The following CACNA2D2 variants were observed in gnomAD, a reference collection of about 807,000 sequenced individuals.
The protein encoded by CACNA2D2 is voltage-dependent calcium channel subunit alpha-2/delta-2.
Under a neutral mutation model 166.4 loss-of-function variants are expected in CACNA2D2, and 48 were observed. The ratio of observed to expected loss-of-function variants is 0.29; its 90% CI spans 0.23 to 0.37. The LOEUF is 0.37. CACNA2D2 is among the 10% of genes least tolerant of loss of function. The pLI is 1.00. For missense variants in CACNA2D2, 1,122 were observed against 1,433.0 expected (o/e 0.78, Z 3.50); for synonymous variants, 561 against 573.7 (o/e 0.98, Z 0.32).
intron 1 of CACNA2D2, among the ~76,000 whole-genome samples, chr3:50,479,975 G>A (rs562816972): frequency 1.3e-5 from 2 of 152,334 alleles, no homozygotes; most frequent in East Asian, 3.9e-4. Flanking sequence ...GAGTGGCCAG[G>A]AGGAGATGTA....
chr3:50,461,303 A>G (rs893470023), intron 2 of CACNA2D2, among the ~76,000 whole-genome samples: 1 of 152,242 alleles, frequency 6.6e-6, no homozygotes, highest in Non-Finnish European at 1.5e-5. Flanking sequence ...GCTGCCTTAG[A>G]AAATCTAAGG....
chr3:50,492,874 T>G (rs1698575115), intron 1 of CACNA2D2, among the ~76,000 whole-genome samples: 1 of 152,016 alleles, frequency 6.6e-6, no homozygotes, highest in Admixed American at 6.6e-5. Flanking sequence ...CAGGGCTGAG[T>G]GCTTGGACCC....
chr3:50,376,027 T>C lies in CACNA2D2; in HGVS notation c.1709A>G (p.Asn570Ser), dbSNP rs1449967398. ...GTCCAGAGTCACAGGCTCCCGGAAG[T>C]TGGTGGTCTGTTGGAGGCAGGGTGG... ...LHPNLKPQTT[N>S]FREPVTLDFL... is the part of the protein sequence containing the mutation. The change falls in exon 19 of 38, where the codon AAC becomes AGC. Residue 570 changes from asparagine to serine, a missense_variant. Asn to Ser is a conservative substitution (Grantham distance 46). Around this residue, in one of 2 missense-constraint regions of CACNA2D2, gnomAD observed 840 missense variants for 1,166.8 expected, o/e 0.72. Coordinates refer to ENST00000424201, the MANE Select transcript of CACNA2D2 (RefSeq NM_006030.4). The surrounding 1 kb of genome is among the most constrained non-coding windows in gnomAD (Gnocchi z 4.3). 12 of 1,613,140 alleles carry C rather than the reference T, an allele frequency of 7.4e-6. No individual in the cohort carries two copies. The highest frequency in any genetic ancestry group is 1.3e-5 in the African/African-American group (1 of 74,888).
At chr3:50,416,695 C>T (rs576968485) in intron 3 of CACNA2D2, among the ~76,000 whole-genome samples, 2 of 152,336 alleles carry the variant, frequency 1.3e-5, no homozygotes, top group South Asian at 2.1e-4. Flanking sequence ...CGGCTGGAGC[C>T]GCGGAGCCAC....
At chr3:50,450,013 A>G (rs1318007582) in intron 2 of CACNA2D2, among the ~76,000 whole-genome samples, 3 of 152,172 alleles carry the variant, frequency 2.0e-5, no homozygotes, top group Non-Finnish European at 4.4e-5. Context: ...GCCTGACTCA[A>G]AGCAAACTGC....
Position 50,366,388 on chromosome 3 carries a change from C to T in CACNA2D2, c.2638-50G>A. 2 of 1,585,284 alleles carry T rather than the reference C, an allele frequency of 1.3e-6. No homozygotes were observed. Among genetic ancestry groups the T allele is most frequent in the African/African-American group, 1.3e-5 (1 of 74,438 alleles). On this transcript the variant is annotated intron_variant, in intron 30 of 37. Transcript: ENST00000424201. The surrounding 1 kb of genome is among the most constrained non-coding windows in gnomAD (Gnocchi z 5.9). ...AAATGGAGAGGGGCTGGGCCCCGGA[C>T]CTTCCACCGCAGGCAGTCCAGTGGT...
chr3:50,432,071 G>A (rs1427412017), intron 3 of CACNA2D2, among the ~76,000 whole-genome samples: 4 of 152,094 alleles, frequency 2.6e-5, no homozygotes, highest in Non-Finnish European at 5.9e-5. Context: ...TGCAGGTGCA[G>A]TGGAAGGGAG....
chr3:50,381,129 G>A lies in CACNA2D2; in HGVS notation c.653-3C>T, dbSNP rs1264099895. The A allele has an allele frequency of 6.2e-7, 1 of 1,613,240 alleles. No individual in the cohort carries two copies. Among genetic ancestry groups the A allele is most frequent in the East Asian group, 2.2e-5 (1 of 44,862 alleles). ...GAGCTCATTGAGGATGACAGTGGCT[G>A]GGGGGAAGCGGGGAGCTGGGGTGGG... On this transcript the variant is annotated splice_region_variant and splice_polypyrimidine_tract_variant and intron_variant, in intron 6 of 37. Coordinates refer to ENST00000424201, the MANE Select transcript of CACNA2D2 (RefSeq NM_006030.4).
rs1008686558 is a variant in CACNA2D2, at chr3:50,363,170, C to T, written c.*1496G>A. The T allele has an allele frequency of 8.5e-5, 34 of 398,808 alleles. No individual in the cohort carries two copies. The highest frequency in any genetic ancestry group is 6.8e-4 in the African/African-American group (33 of 48,614). 24.7% of individuals were successfully genotyped at this position (398,808 alleles called of 1,614,324 possible). ...CTCCATTGAGCACCTGACTACACTA[C>T]AGTTACACGCACGCCCCCGAAGGAC... On this transcript the variant is annotated 3_prime_UTR_variant, in exon 38 of 38. Transcript: ENST00000424201.
At chr3:50,467,809 T>C (rs1435041706) in intron 2 of CACNA2D2, among the ~76,000 whole-genome samples, 3 of 152,094 alleles carry the variant, frequency 2.0e-5, no homozygotes, top group Admixed American at 6.5e-5. Context: ...GAGACAGATA[T>C]AAGAAAAGGT....
intron 1 of CACNA2D2, 73 bp from the exon 2 acceptor site, chr3:50,476,272 G>T: frequency 1.7e-6 from 2 of 1,143,414 alleles, no homozygotes; most frequent in Non-Finnish European, 2.5e-6. Context: ...CAGCCAACCC[G>T]GGGGCACTGG....
At chr3:50,385,792 C>T (rs1003320178) in intron 5 of CACNA2D2, among the ~76,000 whole-genome samples, 3 of 152,210 alleles carry the variant, frequency 2.0e-5, no homozygotes, top group African/African-American at 4.8e-5. Flanking sequence ...GTGAGGCGTG[C>T]GCCACTCACG....
intron 2 of CACNA2D2, among the ~76,000 whole-genome samples, chr3:50,445,597 T>C (rs1377100711): frequency 2.0e-5 from 3 of 152,122 alleles, no homozygotes; most frequent in Non-Finnish European, 2.9e-5. Context: ...CATAAATAAA[T>C]AAACAAACAG....
rs1704171518 is a variant in CACNA2D2 at position 50,365,183 on chromosome 3, G to C, written c.3100C>G (p.Leu1034Val). ...TTGGTCAGTCTCTGCGCGTGGAACA[G>C]CCTGCGGGCAGCCCGGAAAGGCGGG... ...AIIDCGNCSR[L>V]FHAQRLTNTN... The change falls in exon 36 of 38, where the codon CTG becomes GTG. Residue 1034 changes from leucine to valine, a missense_variant and splice_region_variant. Physicochemically the swap from Leu to Val is conservative, Grantham distance 32. Transcript: ENST00000424201. The surrounding 1 kb of genome is among the most constrained non-coding windows in gnomAD (Gnocchi z 4.5). 1.2e-6 allele frequency: 2 copies of C among 1,611,888 alleles called. No individual in the cohort carries two copies. The highest frequency in any genetic ancestry group is 8.5e-7 in the Non-Finnish European group (1 of 1,179,578).
At chr3:50,430,031 G>A (rs1303204656) in intron 3 of CACNA2D2, among the ~76,000 whole-genome samples, 1 of 152,230 alleles carries the variant, frequency 6.6e-6, no homozygotes, top group East Asian at 1.9e-4. Context: ...GGCATGTTAG[G>A]AGGGGTGCTG....
intron 3 of CACNA2D2, among the ~76,000 whole-genome samples, chr3:50,397,996 T>TGCCCCACCCC (rs984701461): frequency 7.0e-6 from 1 of 143,706 alleles, no homozygotes; most frequent in African/African-American, 2.5e-5. Context: ...GTGCCCACCC[T>TGCCCCACCCC]GCCCCACCCC....
In CACNA2D2 at chr3:50,366,114, T is replaced by C. The variant is rs1213211467; in HGVS notation, c.2759A>G (p.Tyr920Cys). The C allele has an allele frequency of 6.2e-7, 1 of 1,613,954 alleles. No individual in the cohort carries two copies. The stretch of plus-strand genomic sequence containing the variant: ...CTTGCGGGTGTAGAAGGAGTTATTG[T>C]AGAGTGCCAGCATCAGGTTGGCATC... ...EVDANLMLAL[Y>C]NNSFYTRKES... Residue 920 changes from tyrosine to cysteine, a missense_variant, in exon 32 of 38, where the codon TAC becomes TGC. Coordinates refer to ENST00000424201, the MANE Select transcript of CACNA2D2 (RefSeq NM_006030.4). This position sits in a 1 kb window ranked among gnomAD's most constrained non-coding sequence, Gnocchi z 5.9.
intron 23 of CACNA2D2, among the ~76,000 whole-genome samples, chr3:50,369,113 G>A (rs587600963): frequency 1.3e-5 from 2 of 152,294 alleles, no homozygotes; most frequent in East Asian, 3.9e-4. Flanking sequence ...GGCCCCCAGG[G>A]CCTTTGTGCA....
At chr3:50,428,448 G>A (rs919636119) in intron 3 of CACNA2D2, among the ~76,000 whole-genome samples, 4 of 152,180 alleles carry the variant, frequency 2.6e-5, no homozygotes, top group Non-Finnish European at 4.4e-5. Flanking sequence ...CCAGCCCAGA[G>A]CCCAGTTCCT....
Sources: gnomAD v4.1 joint callset for allele counts (sites outside exome capture counted in the v4.1 genomes callset) on GRCh38, gnomAD v4.1.1 for gene constraint, gnomAD v4.1.1 regional missense constraint, Gnocchi (gnomAD v3.1) non-coding constraint, MANE v1.5 for transcripts, NCBI Gene and HGNC (gene_info 2026-07-23, HGNC 2026-07-21) for gene names.